Variants in CLEC20A observed in about 807,000 individuals in gnomAD.
CLEC20A encodes the protein putative C-type lectin domain family 20 member A.
chr1:178,479,012 A>G (rs1648865966), downstream of CLEC20A: 1 of 152,240 alleles, frequency 6.6e-6, no homozygotes, highest in Admixed American at 6.5e-5. Flanking sequence ...GAATTTCCCA[A>G]CTTCCATGTA....
intron 2 of CLEC20A, 126 bp from the exon 3 acceptor site, chr1:178,492,692 C>G (rs767767769): frequency 1.7e-4 from 66 of 397,052 alleles, no homozygotes; most frequent in Non-Finnish European, 2.8e-4. Context: ...CTTTCCACAT[C>G]GATTCAATCC....
At chr1:178,494,925 C>A in intron 1 of CLEC20A, 115 bp from the exon 2 acceptor site, 1 of 397,972 alleles carries the variant, frequency 2.5e-6, no homozygotes, top group East Asian at 3.6e-5. Flanking sequence ...CCACTCTGCA[C>A]TTCGCCGCTG....
At chr1:178,494,466 G>A (rs1446389877) in exon 2 of CLEC20A, 5 of 399,794 alleles carry the variant, frequency 1.3e-5, no homozygotes, top group Non-Finnish European at 2.2e-5. Flanking sequence ...CAGTAGCAGA[G>A]GAAGGGCTTC....
chr1:178,498,307 C>A (rs1465179570), upstream of CLEC20A, among the ~76,000 whole-genome samples: 1 of 152,124 alleles, frequency 6.6e-6, no homozygotes, highest in Non-Finnish European at 1.5e-5. Context: ...AAGCACAGGA[C>A]TGGGCTGGGC....
chr1:178,486,703 A>G (rs1247519492), intron 5 of CLEC20A: 5 of 398,520 alleles, frequency 1.3e-5, no homozygotes, highest in African/African-American at 2.1e-5. Context: ...AGCGGAGGCC[A>G]GAAGAGTCGC....
intron 3 of CLEC20A, among the ~76,000 whole-genome samples, chr1:178,490,829 T>C (rs1038062124): frequency 3.9e-5 from 6 of 152,252 alleles, no homozygotes; most frequent in Admixed American, 1.3e-4. Context: ...CTTGGCAAGA[T>C]GGTAGTGACC....
intron 3 of CLEC20A, among the ~76,000 whole-genome samples, chr1:178,491,195 C>T (rs1649257911): frequency 1.3e-5 from 2 of 152,184 alleles, no homozygotes; most frequent in Non-Finnish European, 2.9e-5. Context: ...CCCTGCCCAT[C>T]GCCGGTGCAG....
exon 8 of CLEC20A, chr1:178,479,373 A>G (rs865787662): frequency 2.6e-6 from 1 of 386,344 alleles, no homozygotes; most frequent in Non-Finnish European, 4.6e-6. Context: ...CCAGGGATGC[A>G]GGTTTCATGT....
chr1:178,496,945 G>C (rs2101880896), upstream of CLEC20A: 1 of 400,156 alleles, frequency 2.5e-6, no homozygotes, highest in African/African-American at 2.0e-5. Context: ...AGCATGGCTG[G>C]GCACTGGCTG....
chr1:178,497,082 A>G (rs1572161263), upstream of CLEC20A: 4 of 398,448 alleles, frequency 1.0e-5, no homozygotes, highest in East Asian at 1.4e-4. Context: ...TTTGCCACCC[A>G]AACTGCTGGA....
chr1:178,484,812 T>C (rs746162059), intron 5 of CLEC20A: 11 of 152,266 alleles, frequency 7.2e-5, no homozygotes, highest in Non-Finnish European at 1.3e-4. Context: ...TAACGTCACT[T>C]GTGAACAATG....
chr1:178,499,582 A>C (rs1289778772), upstream of CLEC20A: 1 of 152,190 alleles, frequency 6.6e-6, no homozygotes, highest in Non-Finnish European at 1.5e-5. Context: ...TCGGACTCCG[A>C]GTTCTTCAGC....
intron 7 of CLEC20A, chr1:178,481,173 G>A (rs1648974584): frequency 6.6e-6 from 1 of 152,144 alleles, no homozygotes; most frequent in Non-Finnish European, 1.5e-5. Context: ...TTGGTTATAT[G>A]AAATTACAAT....
intron 4 of CLEC20A, among the ~76,000 whole-genome samples, chr1:178,488,928 G>A (rs1307955632): frequency 1.3e-5 from 2 of 152,198 alleles, no homozygotes; most frequent in Non-Finnish European, 1.5e-5. Flanking sequence ...CCGGTGGGGC[G>A]GAGAGGGAGT....
intron 4 of CLEC20A, among the ~76,000 whole-genome samples, chr1:178,489,804 G>A (rs925932414): frequency 2.0e-5 from 3 of 152,060 alleles, no homozygotes; most frequent in Admixed American, 1.3e-4. Flanking sequence ...GTCCAATAAC[G>A]CATTGCTCTT....
chr1:178,498,079 G>T (rs1331814969), upstream of CLEC20A, among the ~76,000 whole-genome samples: 1 of 152,102 alleles, frequency 6.6e-6, no homozygotes, highest in Non-Finnish European at 1.5e-5. Flanking sequence ...ATTTTCACTG[G>T]CTCACAGGGG....
At chr1:178,495,380 G>A (rs1649362872) in intron 1 of CLEC20A, among the ~76,000 whole-genome samples, 1 of 152,202 alleles carries the variant, frequency 6.6e-6, no homozygotes, top group Non-Finnish European at 1.5e-5. Flanking sequence ...TCCATGGCAG[G>A]GCACTGCCCC....
chr1:178,486,522 G>T, intron 5 of CLEC20A: 1 of 398,810 alleles, frequency 2.5e-6, no homozygotes, highest in Non-Finnish European at 4.4e-6. Context: ...TTGTCCTCTG[G>T]GTCACGGCTG....
At position 178,488,970 on chromosome 1, in the gene CLEC20A, TG is replaced by T. The variant is rs577285042; in HGVS notation, c.830-372del. Among the ~76,000 whole-genome samples the T allele has an allele frequency of 1.8e-4, 27 of 150,112 alleles. 1 individual carries two copies. The highest frequency in any genetic ancestry group is 6.1e-4 in the African/African-American group (25 of 40,852). ...TACCGGGTAAGGGGTTTCTTTGAGG[TG>T]GGGGGGGCGGTGATGAAAATGTCCT... On this transcript the variant is annotated intron_variant, in intron 4 of 7. Coordinates refer to ENST00000623247, the Ensembl canonical transcript of CLEC20A.
Sources: gnomAD v4.1 joint callset for allele counts (sites outside exome capture counted in the v4.1 genomes callset) on GRCh38, gnomAD v4.1.1 for gene constraint, MANE v1.5 for transcripts, NCBI Gene and HGNC (gene_info 2026-07-23, HGNC 2026-07-21) for gene names.